DDX6: variants seen among roughly 807,000 people sequenced by gnomAD.
DDX6 encodes DEAD-box helicase 6.
DDX6 carries 7 observed loss-of-function variants against 60.6 expected under a neutral mutation model. The ratio of observed to expected loss-of-function variants is 0.12; its 90% confidence interval spans 0.07 to 0.22. DDX6 has a LOEUF of 0.22. Ranked by LOEUF, DDX6 falls within the 10% of genes least tolerant of loss-of-function variation. The pLI, the probability that DDX6 is intolerant of heterozygous loss-of-function variation, is 1.00. For missense variants in DDX6, 270 were observed against 589.9 expected, an observed-to-expected ratio of 0.46 and a Z score of 5.62; for synonymous variants, 207 against 201.0, an observed-to-expected ratio of 1.03 and a Z score of -0.25.
In DDX6 at chr11:118,762,949, GAGGTTATTCA is replaced by G. The variant is rs1256693616; in HGVS notation, c.741+253_741+262del. ...AGAGACTTAGAATAAATTTGGCATT[GAGGTTATTCA>G]CTCCTCTACTAAAAAATTAAAACCT... is the stretch of plus-strand genomic sequence containing the variant. On this transcript the variant is annotated intron_variant, in intron 7 of 13. Coordinates refer to ENST00000534980, the MANE Select transcript of DDX6 (RefSeq NM_004397.6). Among the ~76,000 whole-genome samples the G allele has an allele frequency of 3.9e-5, 6 of 152,282 alleles. No individual in the cohort carries two copies. In the South Asian group the frequency reaches 1.0e-3, roughly 26 times the overall value.
rs1861075557 is a variant in DDX6, at chr11:118,759,055, C to T, written c.865-153G>A. 8.7e-6 allele frequency: 9 copies of T among 1,031,896 alleles called. No individual in the cohort carries two copies. In the South Asian group the frequency reaches 1.4e-4, roughly 16 times the overall value. The allele number at this position is 1,031,896 out of a possible 1,614,324, so 63.9% of individuals were successfully genotyped here. ...AAACAAAATATATGATCTGTCATTA[C>T]AGAATTTCCCCCCTGCCACCCTGAG... On this transcript the variant is annotated intron_variant, in intron 8 of 13. Transcript: ENST00000534980.
rs1860635010 is a variant in DDX6 at position 118,748,456 on chromosome 11, C to CT, written c.*3648dup. ...AAGTCCACTAAAGTTCACCAAAAAG[C>CT]TGACTTACTTCAGCTCTCATGAGGC... On this transcript the variant is annotated 3_prime_UTR_variant, in exon 14 of 14. Coordinates refer to ENST00000534980, the MANE Select transcript of DDX6 (RefSeq NM_004397.6). The CT allele has an allele frequency of 6.6e-6, 1 of 152,158 alleles. No homozygotes were observed. Among genetic ancestry groups the CT allele is most frequent in the African/African-American group, 2.4e-5 (1 of 41,428 alleles). 9.4% of individuals were successfully genotyped at this position (152,158 alleles called of 1,614,324 possible). A position where few individuals can be genotyped will look rare whatever the true frequency, so the allele number is the denominator to read the frequency against.
At chr11:118,760,693 C>A (rs545301227) in intron 7 of DDX6, among the ~76,000 whole-genome samples, 4 of 151,834 alleles carry the variant, frequency 2.6e-5, no homozygotes, top group Non-Finnish European at 5.9e-5. Flanking sequence ...TGGTGGTACG[C>A]ACCTATAATC....
chr11:118,764,804 C>CAA lies in DDX6; in HGVS notation c.646+403_646+404dup, dbSNP rs782383956. Among the ~76,000 whole-genome samples the CAA allele has an allele frequency of 9.3e-4, 85 of 91,090 alleles. 1 individual carries two copies. Among genetic ancestry groups the CAA allele is most frequent in the Non-Finnish European group, 1.4e-3 (64 of 45,074 alleles). 59.8% of individuals were successfully genotyped at this position (91,090 alleles called of 152,430 possible). A position where few individuals can be genotyped will look rare whatever the true frequency, so the allele number is the denominator to read the frequency against. On this transcript the variant is annotated intron_variant, in intron 6 of 13. Coordinates refer to ENST00000534980, the MANE Select transcript of DDX6 (RefSeq NM_004397.6). ...GGGCAACAGAGCAAGACTCCATCTC[C>CAA]AAAAAAAAAAAAAATATACACACAC...
chr11:118,768,987 C>CAAAAAAAAA (rs782136763), intron 4 of DDX6, among the ~76,000 whole-genome samples: 1,056 of 39,954 alleles, frequency 0.026, 280 homozygotes, highest in Middle Eastern at 0.038. Flanking sequence ...CGTCTCATCT[C>CAAAAAAAAA]AAAAAAAAAA....
chr11:118,753,716 A>G (rs937249964), intron 13 of DDX6, among the ~76,000 whole-genome samples: 19 of 152,202 alleles, frequency 1.2e-4, no homozygotes, highest in Non-Finnish European at 4.4e-5. Flanking sequence ...GGATAGTTTT[A>G]TCAGAGTGAT....
chr11:118,760,969 G>C (rs191419737), intron 7 of DDX6, among the ~76,000 whole-genome samples: 12 of 152,132 alleles, frequency 7.9e-5, no homozygotes, highest in Admixed American at 2.6e-4. Context: ...GTGAAACCCT[G>C]TCTCTACTAA....
At position 118,764,195 on chromosome 11, in the gene DDX6, CAT is replaced by C. The variant is rs1488965090; in HGVS notation, c.647-891_647-890del. 3.3e-5 allele frequency among the ~76,000 whole-genome samples: 5 copies of C among 152,236 alleles called. No homozygotes were observed. In the South Asian group the frequency reaches 8.3e-4, roughly 25 times the overall value. ...CCTATGCAATACAAAGAATGTATCA[CAT>C]AATTATCATATATAATATTCTAACT... On this transcript the variant is annotated intron_variant, in intron 6 of 13. Coordinates refer to ENST00000534980, the MANE Select transcript of DDX6 (RefSeq NM_004397.6).
chr11:118,754,663 C>T, intron 13 of DDX6, 42 bp downstream of exon 13: 2 of 1,518,464 alleles, frequency 1.3e-6, no homozygotes, highest in South Asian at 1.3e-5. Flanking sequence ...TTTGATTTCC[C>T]TCATTTAAAG....
chr11:118,764,611 T>C (rs1288309609), intron 6 of DDX6, among the ~76,000 whole-genome samples: 1 of 152,078 alleles, frequency 6.6e-6, no homozygotes, highest in Non-Finnish European at 1.5e-5. Context: ...GAGACCATCC[T>C]GGCTAATACG....
intron 4 of DDX6, among the ~76,000 whole-genome samples, chr11:118,775,118 C>T (rs1861655084): frequency 6.6e-6 from 1 of 152,046 alleles, no homozygotes; most frequent in Non-Finnish European, 1.5e-5. Context: ...AGTTCAAGAC[C>T]AACCTGGACA....
chr11:118,764,767 G>A (rs1418719417), intron 6 of DDX6, among the ~76,000 whole-genome samples: 2 of 149,332 alleles, frequency 1.3e-5, no homozygotes, highest in African/African-American at 5.0e-5. Context: ...TTGCGCCTCT[G>A]CACTCCAGCC....
In DDX6 at chr11:118,750,985, CCT is replaced by C. The variant is rs782221132; in HGVS notation, c.*1118_*1119del. ...ATTTAGTGTTGCGTAAAACTGAGCC[CCT>C]CTCATCTTTAGCTGCTCCCATAATC... On this transcript the variant is annotated 3_prime_UTR_variant, in exon 14 of 14. Transcript: ENST00000534980. The C allele has an allele frequency of 1.3e-5, 2 of 151,368 alleles. No homozygotes were observed. The highest frequency in any genetic ancestry group is 4.9e-5 in the African/African-American group (2 of 41,018). The allele number at this position is 151,368 out of a possible 1,614,324, so 9.4% of individuals were successfully genotyped here.
At chr11:118,762,897 C>T (rs1403480133) in intron 7 of DDX6, among the ~76,000 whole-genome samples, 1 of 152,104 alleles carries the variant, frequency 6.6e-6, no homozygotes, top group Admixed American at 6.5e-5. Flanking sequence ...ATATTATATG[C>T]TTTTAAAAAT....
At chr11:118,758,929 G>A (rs782217196) in intron 8 of DDX6, 27 bp from the exon 9 acceptor site, 10 of 1,612,176 alleles carry the variant, frequency 6.2e-6, no homozygotes, top group South Asian at 1.1e-5. Context: ...AAAAAGATGA[G>A]TCGTCGTCTT....
chr11:118,761,040 T>C (rs1296305443), intron 7 of DDX6, among the ~76,000 whole-genome samples: 1 of 151,898 alleles, frequency 6.6e-6, no homozygotes, highest in Non-Finnish European at 1.5e-5. Flanking sequence ...CTCAGGAGGC[T>C]GAGGCAGAAG....
At chr11:118,754,518 ACAT>A (rs1159039570) in intron 13 of DDX6, 184 bp downstream of exon 13, 10 of 488,192 alleles carry the variant, frequency 2.0e-5, no homozygotes, top group Non-Finnish European at 3.5e-5. Context: ...TTCAAGAACA[ACAT>A]TTACAGATTC....
intron 13 of DDX6, among the ~76,000 whole-genome samples, chr11:118,752,450 A>G (rs1238345788): frequency 2.0e-5 from 3 of 152,142 alleles, no homozygotes; most frequent in Non-Finnish European, 4.4e-5. Flanking sequence ...TTAAGGAAAA[A>G]AAGAGTACAG....
At chr11:118,761,391 C>T (rs1300535262) in intron 7 of DDX6, among the ~76,000 whole-genome samples, 1 of 152,058 alleles carries the variant, frequency 6.6e-6, no homozygotes, top group Non-Finnish European at 1.5e-5. Flanking sequence ...CTTAGGTGGG[C>T]AGATCACTTG....
Sources: gnomAD v4.1 joint callset for allele counts (sites outside exome capture counted in the v4.1 genomes callset) on GRCh38, gnomAD v4.1.1 for gene constraint, MANE v1.5 for transcripts, NCBI Gene and HGNC (gene_info 2026-07-23, HGNC 2026-07-21) for gene names.